The following PCLAF variants were observed in gnomAD, a reference collection of about 807,000 sequenced individuals.
PCLAF encodes the protein PCNA clamp associated factor.
In PCLAF, 12 loss-of-function variants were observed where a neutral mutation model predicts 15.1. The ratio of observed to expected loss-of-function variants is 0.79; its 90% confidence interval spans 0.51 to 1.29. The LOEUF (loss-of-function observed/expected upper bound fraction) is 1.29. Ranked by LOEUF, PCLAF falls within the 50% of genes most tolerant of loss-of-function variation. The pLI, the probability that PCLAF is intolerant of heterozygous loss-of-function variation, is 0.00. For missense variants in PCLAF, 116 were observed against 130.9 expected, an observed-to-expected ratio of 0.89 and a Z score of 0.56; for synonymous variants, 33 against 47.1, an observed-to-expected ratio of 0.70 and a Z score of 1.22.
chr15:64,383,746 C>A (rs557064536), upstream of PCLAF, among the ~76,000 whole-genome samples: 4 of 152,252 alleles, frequency 2.6e-5, no homozygotes, highest in African/African-American at 9.6e-5. Context: ...TTAATTTGAA[C>A]TTATATTCCA....
chr15:64,373,257 T>C (rs984314453), intron 3 of PCLAF: 1 of 154,298 alleles, frequency 6.5e-6, no homozygotes, highest in African/African-American at 2.4e-5. Flanking sequence ...TTCTCCTCTG[T>C]CTTATACGTG....
chr15:64,385,060 A>G (rs1251801888), upstream of PCLAF, among the ~76,000 whole-genome samples: 1 of 151,778 alleles, frequency 6.6e-6, no homozygotes, highest in Non-Finnish European at 1.5e-5. Context: ...GCTAATTTTT[A>G]GGTTTTTTTT....
intron 3 of PCLAF, among the ~76,000 whole-genome samples, chr15:64,369,264 A>G (rs1219766078): frequency 3.3e-5 from 5 of 151,126 alleles, no homozygotes; most frequent in African/African-American, 1.2e-4. Context: ...AGGAGGCTGA[A>G]GTGGGAAAAT....
exon 1 of PCLAF, chr15:64,387,502 A>G: frequency 7.7e-7 from 1 of 1,294,684 alleles, no homozygotes. Flanking sequence ...CATGACGATT[A>G]AAAAGCTGGC....
Position 64,367,565 on chromosome 15 carries a change from T to C in PCLAF, c.291-1490A>G, listed in dbSNP as rs2140517017. On this transcript the variant is annotated intron_variant, in intron 3 of 3. Transcript: ENST00000300035. ...TTTTGTACCCATTATAGTTTTTTTTTTGAGACGGAGTCTCGCTCTGTCGCC... is the reference window on the plus strand; with the variant it reads ...TTTTGTACCCATTATAGTTTTTTTTCTGAGACGGAGTCTCGCTCTGTCGCC... Among the ~76,000 whole-genome samples, 2 of 152,250 alleles carry C rather than the reference T, an allele frequency of 1.3e-5. 1 individual carries two copies. Among genetic ancestry groups the C allele is most frequent in the South Asian group, 4.1e-4 (2 of 4,824 alleles).
chr15:64,384,082 G>A (rs560982809), upstream of PCLAF, among the ~76,000 whole-genome samples: 13 of 152,084 alleles, frequency 8.5e-5, no homozygotes, highest in East Asian at 2.3e-3. Flanking sequence ...AAGGCCTAGG[G>A]CATTAAGAAA....
chr15:64,380,388 A>G (rs1899774293), intron 2 of PCLAF, among the ~76,000 whole-genome samples: 1 of 152,064 alleles, frequency 6.6e-6, no homozygotes, highest in African/African-American at 2.4e-5. Context: ...GTCTCAAAAA[A>G]AGAAAGAGAA....
rs370320577 is a variant in PCLAF, at chr15:64,366,121, G to C, written c.291-46C>G. The C allele has an allele frequency of 8.1e-6, 12 of 1,475,094 alleles. No individual in the cohort carries two copies. In the African/African-American group the frequency reaches 1.3e-4, roughly 16 times the overall value. 91.4% of individuals were successfully genotyped at this position (1,475,094 alleles called of 1,614,324 possible). A position where few individuals can be genotyped will look rare whatever the true frequency, so the allele number is the denominator to read the frequency against. On this transcript the variant is annotated intron_variant, in intron 3 of 3. Transcript: ENST00000300035. ...ATCAATAGCCATCCAAGTATCAACT[G>C]TTTGAAAAAAATAGTTACAAACCTA...
At chr15:64,380,857 G>C (rs890750881) in intron 2 of PCLAF, 101 bp downstream of exon 2, 7 of 983,562 alleles carry the variant, frequency 7.1e-6, no homozygotes, top group African/African-American at 6.4e-5. Context: ...GGGCAAGGAA[G>C]AAATTCGGGC....
rs756870331 is a variant in PCLAF, at chr15:64,380,863, C to T, written c.127+95G>A. On this transcript the variant is annotated intron_variant, in intron 2 of 3. Transcript: ENST00000300035. The stretch of plus-strand genomic sequence containing the variant: ...TATATCACAGGGCAAGGAAGAAATT[C>T]GGGCGTGAGTACCTCAAGAAAAAGA... 96 of 1,027,882 alleles carry T rather than the reference C, an allele frequency of 9.3e-5. 2 individuals are homozygous for T. In the Middle Eastern group the frequency reaches 2.1e-3, roughly 23 times the overall value. The allele number at this position is 1,027,882 out of a possible 1,614,324, so 63.7% of individuals were successfully genotyped here. A position where few individuals can be genotyped will look rare whatever the true frequency, so the allele number is the denominator to read the frequency against.
upstream of PCLAF, chr15:64,382,415 C>CA (rs112399665): frequency 0.022 from 1,486 of 68,022 alleles, 19 homozygotes; most frequent in East Asian, 0.052. Context: ...GATCCTGTCT[C>CA]AAAAAAAAAA....
chr15:64,380,908 G>T, intron 2 of PCLAF, 50 bp downstream of exon 2: 1 of 1,491,298 alleles, frequency 6.7e-7, no homozygotes, highest in Non-Finnish European at 9.3e-7. Flanking sequence ...CAAGCCAGGG[G>T]CTTGCAGGTG....
chr15:64,373,758 C>T (rs759564289), intron 3 of PCLAF: 1 of 1,535,812 alleles, frequency 6.5e-7, no homozygotes, highest in Non-Finnish European at 8.7e-7. Flanking sequence ...GGATGGGTGG[C>T]TCCTGGCTGG....
chr15:64,371,356 C>CCTGA (rs1190076758), intron 3 of PCLAF, among the ~76,000 whole-genome samples: 2 of 152,086 alleles, frequency 1.3e-5, no homozygotes, highest in African/African-American at 4.8e-5. Context: ...ACCTCTGCCT[C>CCTGA]CTGAGTTCAA....
intron 2 of PCLAF, among the ~76,000 whole-genome samples, chr15:64,379,387 T>A (rs923175084): frequency 1.3e-5 from 2 of 151,230 alleles, no homozygotes; most frequent in Non-Finnish European, 2.9e-5. Context: ...GAGCCTGAAG[T>A]GGGAGGATCA....
chr15:64,386,265 T>C (rs1314476569), upstream of PCLAF, among the ~76,000 whole-genome samples: 1 of 152,120 alleles, frequency 6.6e-6, no homozygotes, highest in Non-Finnish European at 1.5e-5. Context: ...TCATCTGCTT[T>C]CCAAATTAAT....
chr15:64,370,836 T>C (rs1231029682), intron 3 of PCLAF, among the ~76,000 whole-genome samples: 3 of 145,198 alleles, frequency 2.1e-5, no homozygotes, highest in East Asian at 3.9e-4. Flanking sequence ...GTTGTTTTTT[T>C]TTTTTTTTTT....
chr15:64,368,168 C>G (rs563266008), intron 3 of PCLAF, among the ~76,000 whole-genome samples: 3 of 151,834 alleles, frequency 2.0e-5, no homozygotes, highest in Admixed American at 6.6e-5. Flanking sequence ...ATAATGAAAC[C>G]CTGTCTCTAC....
chr15:64,377,813 G>A (rs1293081522), intron 2 of PCLAF, among the ~76,000 whole-genome samples: 19 of 122,668 alleles, frequency 1.5e-4, no homozygotes, highest in East Asian at 2.9e-4. Context: ...GTGCAGTGGC[G>A]CAATCTTGGC....
Sources: allele counts gnomAD v4.1 joint callset (sites outside exome capture counted in the v4.1 genomes callset), GRCh38; gene constraint gnomAD v4.1.1; transcripts MANE v1.5; gene names NCBI Gene and HGNC (gene_info 2026-07-23, HGNC 2026-07-21).